The following TLE3 variants were observed in gnomAD, a reference collection of about 807,000 sequenced individuals.
The protein encoded by TLE3 is transducin-like enhancer protein 3.
In TLE3, 14 loss-of-function variants were observed where a neutral mutation model predicts 93.0. That is an observed-to-expected ratio of 0.15 (90% CI 0.10 to 0.24). The LOEUF is 0.24. Ranked by LOEUF, TLE3 falls within the 10% of genes least tolerant of loss-of-function variation. The pLI is 1.00. For synonymous variants in TLE3, 451 were observed against 425.0 expected (o/e 1.06, Z -0.75); for missense variants, 693 against 1,046.6 (o/e 0.66, Z 4.66).
chr15:70,094,498 A>C, intron 4 of TLE3, 34 bp downstream of exon 4: 4 of 1,494,464 alleles, frequency 2.7e-6, no homozygotes, highest in Non-Finnish European at 9.0e-7. Flanking sequence ...TTTTTAAAAA[A>C]TGAAATATAT....
At position 70,047,831 on chromosome 15, in the gene TLE3, G is replaced by A. The variant is rs2055209441; in HGVS notation, c.*2266C>T. The A allele has an allele frequency of 6.6e-6, 1 of 152,128 alleles. No individual in the cohort carries two copies. Among genetic ancestry groups the A allele is most frequent in the African/African-American group, 2.4e-5 (1 of 41,400 alleles). 9.4% of individuals were successfully genotyped at this position (152,128 alleles called of 1,614,324 possible). On this transcript the variant is annotated 3_prime_UTR_variant, in exon 20 of 20. Transcript: ENST00000451782. ...TTACGTTTAATTTTTTTCCAAAAAA[G>A]TTTTGCATTGACAGCTGTACAATAC...
At chr15:70,079,590 G>A (rs1174196256) in intron 4 of TLE3, 1 of 362,390 alleles carries the variant, frequency 2.8e-6, no homozygotes, top group East Asian at 1.4e-4. Context: ...TACAAAGGCT[G>A]CCCAACCCTG....
intron 4 of TLE3, among the ~76,000 whole-genome samples, chr15:70,092,398 T>A (rs996097169): frequency 6.6e-6 from 1 of 152,184 alleles, no homozygotes; most frequent in Non-Finnish European, 1.5e-5. Context: ...AGCACACATG[T>A]TCAGGCTGGG....
chr15:70,054,272 C>A, intron 16 of TLE3, 166 bp downstream of exon 16: 2 of 989,848 alleles, frequency 2.0e-6, no homozygotes, highest in Admixed American at 2.8e-5. Context: ...CTGTCCCTCG[C>A]ATAAGGCAGG....
intron 8 of TLE3, 197 bp from the exon 9 acceptor site, chr15:70,060,846 G>T: frequency 1.3e-6 from 1 of 793,174 alleles, no homozygotes; most frequent in East Asian, 3.2e-5. Context: ...CTGAGTCCCC[G>T]GGGAGATGCC....
chr15:70,054,975 C>T, intron 15 of TLE3, 74 bp downstream of exon 15: 1 of 1,506,418 alleles, frequency 6.6e-7, no homozygotes. Flanking sequence ...GGCCCTGGGG[C>T]TCTCCCCTGT....
intron 5 of TLE3, 86 bp from the exon 6 acceptor site, chr15:70,074,693 G>A (rs924969468): frequency 1.9e-4 from 226 of 1,162,030 alleles, no homozygotes; most frequent in Non-Finnish European, 2.6e-4. Context: ...AGGGCCTCTC[G>A]GAGAGGCCCA....
At chr15:70,064,537 A>C in intron 7 of TLE3, 67 bp from the exon 8 acceptor site, 1 of 1,609,400 alleles carries the variant, frequency 6.2e-7, no homozygotes, top group Non-Finnish European at 8.5e-7. Context: ...CAAAAAAGAA[A>C]GGAAAAAGGT....
intron 15 of TLE3, 67 bp downstream of exon 15, chr15:70,054,982 C>T: frequency 6.6e-7 from 1 of 1,519,098 alleles, no homozygotes; most frequent in South Asian, 1.3e-5. Flanking sequence ...GGGCTCTCCC[C>T]TGTGGCCCAG....
chr15:70,053,517 A>C, intron 16 of TLE3, 143 bp from the exon 17 acceptor site: 1 of 944,434 alleles, frequency 1.1e-6, no homozygotes, highest in East Asian at 2.9e-5. Flanking sequence ...GCGAGCTTGC[A>C]GCAAAGCTAG....
In TLE3 at chr15:70,060,566, C is replaced by T. The variant is rs1223637138; in HGVS notation, c.678G>A (p.Lys226=). 6.2e-7 allele frequency: 1 copy of T among 1,614,018 alleles called. No individual in the cohort carries two copies. The highest frequency in any genetic ancestry group is 8.5e-7 in the Non-Finnish European group (1 of 1,179,882). Residue 226 remains lysine (K), a synonymous_variant, in exon 9 of 20, where the codon AAG becomes AAA. Coordinates refer to ENST00000451782, the MANE Select transcript of TLE3 (RefSeq NM_001105192.3). The part of the protein sequence containing the change: ...GSADYSMEAK[K]RKAEEKDSLS... ...AGCTGTCCTTCTCCTCCGCCTTCCG[C>T]TTCTTGGCTTCCATGCTGTAGTCCG...
Position 70,058,105 on chromosome 15 carries a change from A to C in TLE3, c.1051+54T>G. ...TGTCACCCCTGCCCTGGCCAAGAGC[A>C]GACCCCCTCCCCCCAATCAGATTAA... On this transcript the variant is annotated intron_variant, in intron 12 of 19. Coordinates refer to ENST00000451782, the MANE Select transcript of TLE3 (RefSeq NM_001105192.3). This position sits in a 1 kb window ranked among gnomAD's most constrained non-coding sequence, Gnocchi z 4.1. 1 of 1,612,584 alleles carries C rather than the reference A, an allele frequency of 6.2e-7. No individual in the cohort carries two copies.
At chr15:70,094,495 A>T in intron 4 of TLE3, 37 bp downstream of exon 4, 1 of 1,492,934 alleles carries the variant, frequency 6.7e-7, no homozygotes, top group Non-Finnish European at 9.0e-7. Context: ...AAGTTTTTAA[A>T]AAATGAAATA....
chr15:70,074,037 C>T (rs2057316338), intron 6 of TLE3, among the ~76,000 whole-genome samples: 3 of 152,250 alleles, frequency 2.0e-5, no homozygotes. Context: ...CAGGCAGCTT[C>T]GCGCATGGGA....
intron 1 of TLE3, 139 bp from the exon 2 acceptor site, chr15:70,096,400 C>G (rs1021476515): frequency 1.0e-5 from 15 of 1,433,290 alleles, no homozygotes; most frequent in Non-Finnish European, 2.8e-6. Context: ...TTTCTCAGCT[C>G]TCCGACGGGG....
At chr15:70,057,416 A>T in intron 13 of TLE3, 43 bp downstream of exon 13, 1 of 1,544,226 alleles carries the variant, frequency 6.5e-7, no homozygotes, top group Non-Finnish European at 8.8e-7. Flanking sequence ...GGCTCCCCAC[A>T]CCACGCCCAG....
In TLE3 at chr15:70,097,204, C is replaced by T. The variant is rs1300197441; in HGVS notation, c.-406G>A. Reference sequence around the variant, plus strand: ...CCCTCCTGGGGCGAGCTCGGGCCCCCTCCGGGTCACTCAGCGGGTCGCGCC... The same window carrying T: ...CCCTCCTGGGGCGAGCTCGGGCCCCTTCCGGGTCACTCAGCGGGTCGCGCC... On this transcript the variant is annotated 5_prime_UTR_variant, in exon 1 of 20. Transcript: ENST00000451782. 2.5e-6 allele frequency: 1 copy of T among 406,928 alleles called. No individual in the cohort carries two copies. Among genetic ancestry groups the T allele is most frequent in the Non-Finnish European group, 4.3e-6 (1 of 233,080 alleles). 25.2% of individuals were successfully genotyped at this position (406,928 alleles called of 1,614,324 possible).
chr15:70,087,477 T>C (rs890239237), intron 4 of TLE3, among the ~76,000 whole-genome samples: 7 of 152,218 alleles, frequency 4.6e-5, no homozygotes, highest in African/African-American at 1.7e-4. Context: ...ATCTGGAAGA[T>C]CAAATTTTTC....
At chr15:70,056,406 G>A (rs1401641000) in intron 13 of TLE3, 32 bp from the exon 14 acceptor site, 6 of 1,597,242 alleles carry the variant, frequency 3.8e-6, no homozygotes, top group Non-Finnish European at 4.3e-6. Context: ...CCCTCCATCA[G>A]CCGTGCTGCC....
Sources: gnomAD v4.1 joint callset for allele counts (sites outside exome capture counted in the v4.1 genomes callset) on GRCh38, gnomAD v4.1.1 for gene constraint, Gnocchi (gnomAD v3.1) non-coding constraint, MANE v1.5 for transcripts, NCBI Gene and HGNC (gene_info 2026-07-23, HGNC 2026-07-21) for gene names.